The following HSPA8 variants were observed in gnomAD, a reference collection of about 807,000 sequenced individuals.
The protein encoded by HSPA8 is heat shock cognate 71 kDa protein.
HSPA8 carries 2 observed loss-of-function variants against 52.8 expected under a neutral mutation model. The ratio of observed to expected loss-of-function variants is 0.04; its 90% CI spans 0.02 to 0.12. The LOEUF is 0.12. Ranked by LOEUF, HSPA8 falls within the 10% of genes least tolerant of loss-of-function variation. HSPA8 has a pLI of 1.00. For synonymous variants in HSPA8, 436 were observed against 274.0 expected (o/e 1.59, Z -5.84); for missense variants, 349 against 800.5 (o/e 0.44, Z 6.81).
chr11:123,060,513 C>G lies in HSPA8; in HGVS notation c.411+80G>C. 4.4e-6 allele frequency: 5 copies of G among 1,127,752 alleles called. No individual in the cohort carries two copies. In the South Asian group the frequency reaches 6.5e-5, roughly 15 times the overall value. The allele number at this position is 1,127,752 out of a possible 1,614,324, so 69.9% of individuals were successfully genotyped here. A position where few individuals can be genotyped will look rare whatever the true frequency, so the allele number is the denominator to read the frequency against. On this transcript the variant is annotated intron_variant, in intron 3 of 8. Coordinates refer to ENST00000534624, the MANE Select transcript of HSPA8 (RefSeq NM_006597.6). ...CTGAGCCCCATCTGTTCCCCTCCCTCGCCAGGTGCCAGTGCCCCCGGGAGT... is the reference window on the plus strand; with the variant it reads ...CTGAGCCCCATCTGTTCCCCTCCCTGGCCAGGTGCCAGTGCCCCCGGGAGT...
intron 2 of HSPA8, 158 bp from the exon 3 acceptor site, chr11:123,060,956 A>T: frequency 1.1e-6 from 1 of 878,912 alleles, no homozygotes; most frequent in Non-Finnish European, 1.8e-6. Flanking sequence ...CGTTATCCAG[A>T]TTTCAGCCTG....
At chr11:123,058,508 T>TA (rs1865386868) in intron 7 of HSPA8, 24 bp from the exon 8 acceptor site, 2 of 1,605,354 alleles carry the variant, frequency 1.2e-6, no homozygotes, top group Non-Finnish European at 1.7e-6. Context: ...TAACTCTAAG[T>TA]AAAAGCCTTA....
At chr11:123,059,284 T>C (rs990942244) in intron 5 of HSPA8, 23 bp from the exon 6 acceptor site, 3 of 1,580,334 alleles carry the variant, frequency 1.9e-6, no homozygotes, top group South Asian at 1.1e-5. Flanking sequence ...AAGTTAACGT[T>C]AAAAGAAGTT....
rs1057092732 is a variant in HSPA8 at position 123,057,632 on chromosome 11, T to C, written c.*102A>G. 10 of 846,080 alleles carry C rather than the reference T, an allele frequency of 1.2e-5. No individual in the cohort carries two copies. The highest frequency in any genetic ancestry group is 2.8e-5 in the Admixed American group (1 of 36,150). The allele number at this position is 846,080 out of a possible 1,614,324, so 52.4% of individuals were successfully genotyped here. A position where few individuals can be genotyped will look rare whatever the true frequency, so the allele number is the denominator to read the frequency against. ...ATTGAGAATGCCCAGTAACTTACTA[T>C]AGCAGCTTAACTTTTTAAAACTGCC... is the stretch of plus-strand genomic sequence containing the variant. On this transcript the variant is annotated 3_prime_UTR_variant, in exon 9 of 9. Transcript: ENST00000534624.
chr11:123,061,521 A>G, intron 1 of HSPA8, 192 bp from the exon 2 acceptor site: 1 of 603,130 alleles, frequency 1.7e-6, no homozygotes, highest in Non-Finnish European at 2.9e-6. Context: ...ACCGCAGCAG[A>G]GCACGCCCTA....
Position 123,057,842 on chromosome 11 carries a change from G to A in HSPA8, c.1833C>T (p.Tyr611=), listed in dbSNP as rs755360656. ...KVCNPIITKL[Y]QSAGGMPGGM... is the part of the protein sequence containing the mutation. ...CTCCTGGCATGCCTCCTGCACTCTG[G>A]TACAGCTTGGTGATGATGGGGTTGC... The change falls in exon 9 of 9, where the codon TAC becomes TAT. Residue 611 remains tyrosine, a synonymous_variant. Transcript: ENST00000534624. 3 of 1,613,538 alleles carry A rather than the reference G, an allele frequency of 1.9e-6. No homozygotes were observed. The highest frequency in any genetic ancestry group is 1.3e-5 in the African/African-American group (1 of 74,900).
chr11:123,061,422 C>T (rs1422267356), intron 1 of HSPA8, 93 bp from the exon 2 acceptor site: 2 of 948,204 alleles, frequency 2.1e-6, no homozygotes, highest in African/African-American at 1.6e-5. Flanking sequence ...AAACGTATGG[C>T]CACTGCCAAG....
rs747492962 is a variant in HSPA8 at position 123,059,535 on chromosome 11, A to T, written c.1058T>A (p.Phe353Tyr). ...CTTATTCAGTTCTTTTCCATTGAAG[A>T]AGTCTTGGAGAAGCTTCTGAATCTT... ...IPKIQKLLQD[F>Y]FNGKELNKSI... The change falls in exon 5 of 9, where the codon TTC (phenylalanine) becomes TAC (tyrosine). Residue 353 changes from phenylalanine (F) to tyrosine (Y), a missense_variant. By Grantham distance (22) the Phe-to-Tyr change is conservative. Coordinates refer to ENST00000534624, the MANE Select transcript of HSPA8 (RefSeq NM_006597.6). The T allele has an allele frequency of 5.6e-6, 9 of 1,613,944 alleles. No individual in the cohort carries two copies. Among genetic ancestry groups the T allele is most frequent in the Admixed American group, 3.3e-5 (2 of 59,980 alleles).
chr11:123,058,243 A>AAAAAC lies in HSPA8; in HGVS notation c.1755+8_1755+9insGTTTT. 2 of 1,510,630 alleles carry AAAAAC rather than the reference A, an allele frequency of 1.3e-6. No homozygotes were observed. The highest frequency in any genetic ancestry group is 1.8e-6 in the Non-Finnish European group (2 of 1,102,918). 93.6% of individuals were successfully genotyped at this position (1,510,630 alleles called of 1,614,324 possible). A position where few individuals can be genotyped will look rare whatever the true frequency, so the allele number is the denominator to read the frequency against. ...TGGGGGAGGAAAAAAAAAAAAAAAA[A>AAAAAC]ACACAAACCTGATTCTTATCAAGCC... On this transcript the variant is annotated intron_variant, in intron 8 of 8. Coordinates refer to ENST00000534624, the MANE Select transcript of HSPA8 (RefSeq NM_006597.6).
rs764034057 is a variant in HSPA8 at position 123,058,756 on chromosome 11, A to C, written c.1398T>G (p.Pro466=). ...CAATCTGAGGAACACCTCGGGGTGC[A>C]GGAGGTATGCCTGTGAGTTCAAACT... is the stretch of plus-strand genomic sequence containing the variant. ...LGKFELTGIP[P]APRGVPQIEV... Residue 466 remains proline (P), a synonymous_variant, in exon 7 of 9, where the codon CCT becomes CCG. Coordinates refer to ENST00000534624, the MANE Select transcript of HSPA8 (RefSeq NM_006597.6). 3 of 1,613,962 alleles carry C rather than the reference A, an allele frequency of 1.9e-6. No individual in the cohort carries two copies. The highest frequency in any genetic ancestry group is 4.5e-5 in the East Asian group (2 of 44,878).
chr11:123,060,462 G>T, intron 3 of HSPA8, 131 bp downstream of exon 3: 1 of 903,916 alleles, frequency 1.1e-6, no homozygotes, highest in Non-Finnish European at 1.8e-6. Flanking sequence ...CTAGGGCACT[G>T]TTGGGCACGT....
chr11:123,058,880 A>G, intron 6 of HSPA8, 50 bp from the exon 7 acceptor site: 1 of 1,548,898 alleles, frequency 6.5e-7, no homozygotes, highest in Non-Finnish European at 8.9e-7. Flanking sequence ...GGTCTGTGAC[A>G]GTGCTAGGGT....
Position 123,058,726 on chromosome 11 carries a change from G to A in HSPA8, c.1428C>T (p.Val476=), listed in dbSNP as rs912266434. ...TACCATTGGCATCAATGTCAAAAGT[G>A]ACTTCAATCTGAGGAACACCTCGGG... ...PAPRGVPQIE[V]TFDIDANGIL... The change falls in exon 7 of 9, where the codon GTC becomes GTT. Residue 476 remains valine (V), a synonymous_variant. Coordinates refer to ENST00000534624, the MANE Select transcript of HSPA8 (RefSeq NM_006597.6). 1 of 1,613,922 alleles carries A rather than the reference G, an allele frequency of 6.2e-7. No homozygotes were observed. Among genetic ancestry groups the A allele is most frequent in the South Asian group, 1.1e-5 (1 of 91,068 alleles).
At position 123,060,573 on chromosome 11, in the gene HSPA8, T is replaced by C; in HGVS notation, c.411+20A>G. 6.3e-7 allele frequency: 1 copy of C among 1,587,702 alleles called. No homozygotes were observed. The highest frequency in any genetic ancestry group is 8.6e-7 in the Non-Finnish European group (1 of 1,156,230). ...TTTAACTACTCCGGAATGCACCCCATACTGAAAAACCAACCTCACCTTCCC... is the reference window on the plus strand; with the variant it reads ...TTTAACTACTCCGGAATGCACCCCACACTGAAAAACCAACCTCACCTTCCC... On this transcript the variant is annotated intron_variant, in intron 3 of 8. Coordinates refer to ENST00000534624, the MANE Select transcript of HSPA8 (RefSeq NM_006597.6).
In HSPA8 at chr11:123,057,636, A is replaced by G; in HGVS notation, c.*98T>C. The G allele has an allele frequency of 1.1e-6, 1 of 883,052 alleles. No homozygotes were observed. Among genetic ancestry groups the G allele is most frequent in the South Asian group, 1.7e-5 (1 of 59,450 alleles). 54.7% of individuals were successfully genotyped at this position (883,052 alleles called of 1,614,324 possible). On this transcript the variant is annotated 3_prime_UTR_variant, in exon 9 of 9. Coordinates refer to ENST00000534624, the MANE Select transcript of HSPA8 (RefSeq NM_006597.6). Reference sequence around the variant, plus strand: ...AGAATGCCCAGTAACTTACTATAGCAGCTTAACTTTTTAAAACTGCCACAG... The same window carrying G: ...AGAATGCCCAGTAACTTACTATAGCGGCTTAACTTTTTAAAACTGCCACAG...
At position 123,060,722 on chromosome 11, in the gene HSPA8, C is replaced by T. The variant is rs770300995; in HGVS notation, c.282G>A (p.Val94=). 3 of 1,614,018 alleles carry T rather than the reference C, an allele frequency of 1.9e-6. 1 individual carries two copies. In the East Asian group the frequency reaches 6.7e-5, roughly 36 times the overall value. Residue 94 remains valine, a synonymous_variant, in exon 3 of 9, where the codon GTG becomes GTA. Transcript: ENST00000534624. ...CCTTGGGCCTGCCAGCATCATTCACCACCATAAAGGGCCAATGTTTCATAT... is the reference window on the plus strand; with the variant it reads ...CCTTGGGCCTGCCAGCATCATTCACTACCATAAAGGGCCAATGTTTCATAT... The part of the protein sequence containing the change: ...QSDMKHWPFM[V]VNDAGRPKVQ...
intron 2 of HSPA8, 38 bp downstream of exon 2, chr11:123,061,082 T>G: frequency 6.4e-7 from 1 of 1,556,902 alleles, no homozygotes; most frequent in Non-Finnish European, 8.9e-7. Flanking sequence ...TTCCTAGCCC[T>G]GTTATATTTG....
At position 123,058,658 on chromosome 11, in the gene HSPA8, T is replaced by C. The variant is rs1451018519; in HGVS notation, c.1496A>G (p.Asn499Ser). The C allele has an allele frequency of 6.2e-7, 1 of 1,613,572 alleles. No homozygotes were observed. The highest frequency in any genetic ancestry group is 8.5e-7 in the Non-Finnish European group (1 of 1,179,788). Reference protein sequence around the residue: ...SAVDKSTGKENKITITNDKGR... With the variant: ...SAVDKSTGKESKITITNDKGR... Reference sequence around the variant, plus strand: ...CTTGTCATTAGTGATAGTAATCTTGTTCTCTTTTCCCGTACTCTTGTCCAC... The same window carrying C: ...CTTGTCATTAGTGATAGTAATCTTGCTCTCTTTTCCCGTACTCTTGTCCAC... Residue 499 changes from asparagine to serine, a missense_variant, in exon 7 of 9, where the codon AAC (asparagine) becomes AGC (serine). By Grantham distance (46) the Asn-to-Ser change is conservative. Coordinates refer to ENST00000534624, the MANE Select transcript of HSPA8 (RefSeq NM_006597.6).
intron 6 of HSPA8, 105 bp downstream of exon 6, chr11:123,058,954 G>A (rs1865403877): frequency 2.9e-6 from 4 of 1,393,548 alleles, no homozygotes; most frequent in Non-Finnish European, 4.0e-6. Flanking sequence ...AAGACTTTCT[G>A]GTGGAAACTA....
Sources: gnomAD v4.1 joint callset for allele counts on GRCh38, gnomAD v4.1.1 for gene constraint, MANE v1.5 for transcripts, NCBI Gene and HGNC (gene_info 2026-07-23, HGNC 2026-07-21) for gene names.